Variants in ORC2 observed in about 807,000 individuals in gnomAD.
ORC2 encodes origin recognition complex protein 2 homolog.
A neutral mutation model predicts 77.7 loss-of-function variants in ORC2; 37 were observed. That is an observed-to-expected ratio of 0.48 (90% CI 0.37 to 0.63). The LOEUF is 0.63. Among genes scored for constraint, ORC2 ranks in the 20% least tolerant of loss-of-function variants. The pLI is 0.00. For synonymous variants in ORC2, 201 were observed against 229.5 expected (o/e 0.88, Z 1.12); for missense variants, 557 against 661.9 (o/e 0.84, Z 1.74).
chr2:200,934,713 A>C (rs1212270186), intron 9 of ORC2, among the ~76,000 whole-genome samples: 1 of 152,092 alleles, frequency 6.6e-6, no homozygotes, highest in African/African-American at 2.4e-5. Context: ...TAACAAAAGA[A>C]AAAAAAGAAA....
At chr2:200,951,289 T>G (rs2041352055) in intron 4 of ORC2, among the ~76,000 whole-genome samples, 1 of 151,458 alleles carries the variant, frequency 6.6e-6, no homozygotes. Flanking sequence ...CTTTGTTGCT[T>G]CCAAGTTTTG....
chr2:200,945,014 T>G (rs748476744), intron 5 of ORC2, among the ~76,000 whole-genome samples: 3 of 152,218 alleles, frequency 2.0e-5, no homozygotes, highest in Non-Finnish European at 4.4e-5. Flanking sequence ...ACGTATTGTC[T>G]GTGGCTGCTT....
At chr2:200,915,424 T>C (rs924810227) in intron 15 of ORC2, among the ~76,000 whole-genome samples, 1 of 152,204 alleles carries the variant, frequency 6.6e-6, no homozygotes, top group African/African-American at 2.4e-5. Context: ...GTTTACATTA[T>C]TTCTAAGTTT....
At chr2:200,957,649 T>C in intron 3 of ORC2, 105 bp from the exon 4 acceptor site, 1 of 881,024 alleles carries the variant, frequency 1.1e-6, no homozygotes, top group Non-Finnish European at 1.6e-6. Flanking sequence ...ACTTAAAAGC[T>C]GGGAAAAAAG....
At chr2:200,952,543 G>A (rs563867443) in intron 4 of ORC2, among the ~76,000 whole-genome samples, 13 of 152,194 alleles carry the variant, frequency 8.5e-5, no homozygotes, top group Middle Eastern at 3.4e-3. Context: ...TTACAGGCAT[G>A]AGCCACCGCG....
chr2:200,922,035 G>A (rs545219645), intron 13 of ORC2, among the ~76,000 whole-genome samples: 2 of 151,444 alleles, frequency 1.3e-5, no homozygotes, highest in South Asian at 4.2e-4. Context: ...TGGGAGTGGA[G>A]GGATACCAAA....
intron 8 of ORC2, 74 bp downstream of exon 8, chr2:200,937,831 CT>C: frequency 1.1e-6 from 1 of 946,636 alleles, no homozygotes; most frequent in Non-Finnish European, 1.7e-6. Flanking sequence ...AGTCTAGAAC[CT>C]ATATACTTAA....
At chr2:200,938,811 G>A (rs572873770) in intron 7 of ORC2, among the ~76,000 whole-genome samples, 2 of 152,192 alleles carry the variant, frequency 1.3e-5, no homozygotes, top group East Asian at 3.9e-4. Flanking sequence ...AGGCCAAGGC[G>A]GGCAGATCAC....
chr2:200,921,822 A>C (rs2040767688), intron 13 of ORC2: 1 of 151,950 alleles, frequency 6.6e-6, no homozygotes, highest in Non-Finnish European at 1.5e-5. Context: ...TTTTTTGTAG[A>C]GATGGGGTTT....
rs542518398 is a variant in ORC2 at position 200,923,094 on chromosome 2, A to T, written c.1148-1955T>A. Among the ~76,000 whole-genome samples the T allele has an allele frequency of 3.9e-5, 6 of 152,354 alleles. No individual in the cohort carries two copies. In the South Asian group the frequency reaches 1.2e-3, roughly 32 times the overall value. On this transcript the variant is annotated intron_variant, in intron 13 of 17. Transcript: ENST00000234296. ...TATGCAGTAGTTTTAGGGTTCTGGG[A>T]AATATATACTTGACTCTCATTACAT...
chr2:200,954,145 G>A (rs568359104), intron 4 of ORC2, among the ~76,000 whole-genome samples: 120 of 150,934 alleles, frequency 8.0e-4, no homozygotes, highest in Non-Finnish European at 1.0e-3. Context: ...CGATTTTCCT[G>A]CCTCAGCCTC....
chr2:200,938,525 G>A (rs915628726), intron 7 of ORC2, among the ~76,000 whole-genome samples: 4 of 152,118 alleles, frequency 2.6e-5, no homozygotes, highest in African/African-American at 9.7e-5. Context: ...GTAACTTTTT[G>A]TAGGAGTACA....
At chr2:200,919,515 C>T (rs943385419) in intron 15 of ORC2, among the ~76,000 whole-genome samples, 1 of 152,178 alleles carries the variant, frequency 6.6e-6, no homozygotes, top group Admixed American at 6.5e-5. Context: ...CGTGCCACCA[C>T]ACCTGGCTAA....
chr2:200,959,853 C>A (rs2041538520), intron 1 of ORC2, among the ~76,000 whole-genome samples: 1 of 151,632 alleles, frequency 6.6e-6, no homozygotes, highest in East Asian at 1.9e-4. Context: ...TCCCTTGAGG[C>A]CAGGAGTTGA....
intron 5 of ORC2, among the ~76,000 whole-genome samples, chr2:200,946,415 G>A (rs2041251069): frequency 6.6e-6 from 1 of 152,112 alleles, no homozygotes; most frequent in African/African-American, 2.4e-5. Context: ...AATACTTAAT[G>A]AGTCAATGAA....
In ORC2 at chr2:200,959,608, G is replaced by A. The variant is rs148224029; in HGVS notation, c.-59-168C>T. On this transcript the variant is annotated intron_variant, in intron 1 of 17. Transcript: ENST00000234296. ...AGTAAAGGACAAAAAGACCATTACTGATTTGGCTAGGAAGCCCTAGATACT... is the reference window on the plus strand; with the variant it reads ...AGTAAAGGACAAAAAGACCATTACTAATTTGGCTAGGAAGCCCTAGATACT... 3.7e-3 allele frequency among the ~76,000 whole-genome samples: 556 copies of A among 152,320 alleles called. 6 individuals carry two copies. The highest frequency in any genetic ancestry group is 6.3e-3 in the Non-Finnish European group (430 of 68,022).
At chr2:200,943,308 A>T (rs1406182616) in intron 5 of ORC2, 4 of 152,186 alleles carry the variant, frequency 2.6e-5, no homozygotes, top group Admixed American at 2.6e-4. Context: ...TTCAACCGAG[A>T]ATAAATGGAA....
intron 13 of ORC2, among the ~76,000 whole-genome samples, chr2:200,922,597 G>A (rs183547340): frequency 1.3e-5 from 2 of 150,932 alleles, no homozygotes; most frequent in South Asian, 2.1e-4. Context: ...TCTTCTACTC[G>A]GGGGTAGATG....
intron 5 of ORC2, among the ~76,000 whole-genome samples, chr2:200,948,415 C>G (rs2041291038): frequency 6.6e-6 from 1 of 152,136 alleles, no homozygotes; most frequent in Non-Finnish European, 1.5e-5. Context: ...GCTTAGTTCT[C>G]TGAAAATCAG....
Sources: gnomAD v4.1 joint callset for allele counts (sites outside exome capture counted in the v4.1 genomes callset) on GRCh38, gnomAD v4.1.1 for gene constraint, MANE v1.5 for transcripts, NCBI Gene and HGNC (gene_info 2026-07-23, HGNC 2026-07-21) for gene names.